The following CAMK1D variants were observed in gnomAD, a reference collection of about 807,000 sequenced individuals.
CAMK1D encodes calcium/calmodulin dependent protein kinase ID.
A neutral mutation model predicts 47.7 loss-of-function variants in CAMK1D; 9 were observed. The observed-to-expected ratio is 0.19, with a 90% CI of 0.11 to 0.33. The LOEUF (loss-of-function observed/expected upper bound fraction) is 0.33. Among genes scored for constraint, CAMK1D ranks in the 10% least tolerant of loss-of-function variants. CAMK1D has a pLI of 1.00. For missense variants in CAMK1D, 291 were observed against 488.7 expected, an observed-to-expected ratio of 0.60 and a Z score of 3.81; for synonymous variants, 184 against 184.9, an observed-to-expected ratio of 0.99 and a Z score of 0.04.
At chr10:12,636,818 C>CT (rs1394953202) in intron 2 of CAMK1D, among the ~76,000 whole-genome samples, 2 of 152,098 alleles carry the variant, frequency 1.3e-5, no homozygotes, top group Non-Finnish European at 2.9e-5. Flanking sequence ...CTGTCAGTAA[C>CT]TGTTTTCAGC....
chr10:12,636,476 TGCCACCACACCAG>T (rs1288731188), intron 2 of CAMK1D, among the ~76,000 whole-genome samples: 1 of 152,112 alleles, frequency 6.6e-6, no homozygotes, highest in Non-Finnish European at 1.5e-5. Flanking sequence ...TACAGGTGTG[TGCCACCACACCAG>T]GCTATTTTTT....
At chr10:12,729,946 T>A (rs1396084342) in intron 3 of CAMK1D, among the ~76,000 whole-genome samples, 1 of 151,584 alleles carries the variant, frequency 6.6e-6, no homozygotes, top group African/African-American at 2.4e-5. Context: ...ATAGAGCGTT[T>A]TAGGCTCCCC....
intron 1 of CAMK1D, among the ~76,000 whole-genome samples, chr10:12,397,275 T>G (rs1404194150): frequency 6.6e-6 from 1 of 152,178 alleles, no homozygotes; most frequent in African/African-American, 2.4e-5. Flanking sequence ...GCAGGTGTTC[T>G]GTTCTTTCAA....
chr10:12,604,840 G>A (rs1838402656), intron 2 of CAMK1D, among the ~76,000 whole-genome samples: 1 of 151,874 alleles, frequency 6.6e-6, no homozygotes. Context: ...GGAGACTAGT[G>A]TGCCATGGAA....
chr10:12,506,246 C>T (rs1268243083), intron 1 of CAMK1D, among the ~76,000 whole-genome samples: 2 of 152,068 alleles, frequency 1.3e-5, no homozygotes, highest in African/African-American at 2.4e-5. Flanking sequence ...TGGCGAAACC[C>T]CCGTCTCTAC....
chr10:12,744,304 A>T (rs989188975), intron 3 of CAMK1D, among the ~76,000 whole-genome samples: 4 of 150,964 alleles, frequency 2.6e-5, no homozygotes, highest in African/African-American at 9.9e-5. Context: ...TGATTTTTGT[A>T]TGAATGTGTG....
In CAMK1D at chr10:12,400,633, G is replaced by A. The variant is rs947084883; in HGVS notation, c.92+50723G>A. Among the ~76,000 whole-genome samples the A allele has an allele frequency of 3.3e-5, 5 of 152,174 alleles. No homozygotes were observed. The East Asian group carries it at 9.7e-4, about 29-fold the overall frequency. On this transcript the variant is annotated intron_variant, in intron 1 of 10. Coordinates refer to ENST00000619168, the MANE Select transcript of CAMK1D (RefSeq NM_153498.4). ...TAAAATGTAATTGTCTTGATGTTGA[G>A]AACTTTATCTTCTGAGGGACTGAGT...
intron 1 of CAMK1D, among the ~76,000 whole-genome samples, chr10:12,448,011 C>T (rs34191611): frequency 0.05 from 7,538 of 151,964 alleles, 285 homozygotes; most frequent in East Asian, 0.2. Flanking sequence ...GCCACTACAC[C>T]TGGCTAATTT....
chr10:12,530,390 G>C (rs1419039011), intron 1 of CAMK1D, among the ~76,000 whole-genome samples: 1 of 152,116 alleles, frequency 6.6e-6, no homozygotes, highest in Non-Finnish European at 1.5e-5. Context: ...TTCCTTTCTG[G>C]GCCTCAGTTT....
chr10:12,640,442 G>A (rs900827029), intron 2 of CAMK1D, among the ~76,000 whole-genome samples: 2 of 152,066 alleles, frequency 1.3e-5, no homozygotes, highest in South Asian at 2.1e-4. Flanking sequence ...AAGCTAGCAC[G>A]GTGCTTTCAA....
At chr10:12,725,945 C>T (rs1456473545) in intron 3 of CAMK1D, among the ~76,000 whole-genome samples, 2 of 151,856 alleles carry the variant, frequency 1.3e-5, no homozygotes, top group South Asian at 2.1e-4. Context: ...TTAGTATAGA[C>T]GGGGCTTCCT....
intron 1 of CAMK1D, among the ~76,000 whole-genome samples, chr10:12,426,038 C>A (rs772270806): frequency 6.6e-6 from 1 of 152,168 alleles, no homozygotes; most frequent in East Asian, 1.9e-4. Flanking sequence ...TTTAGCTGAT[C>A]TTGGTATTAT....
intron 6 of CAMK1D, among the ~76,000 whole-genome samples, chr10:12,798,171 T>C (rs756869121): frequency 2.3e-4 from 35 of 152,230 alleles, no homozygotes; most frequent in Admixed American, 3.9e-4. Context: ...TGGAGAAACA[T>C]TTTACTTCCT....
intron 1 of CAMK1D, among the ~76,000 whole-genome samples, chr10:12,400,854 C>T (rs1229066527): frequency 2.0e-5 from 3 of 150,320 alleles, no homozygotes; most frequent in Non-Finnish European, 4.4e-5. Flanking sequence ...CAGTGGCTCG[C>T]ACCTGTAAAC....
chr10:12,419,427 G>GA (rs372435663), intron 1 of CAMK1D, among the ~76,000 whole-genome samples: 8 of 152,074 alleles, frequency 5.3e-5, no homozygotes, highest in African/African-American at 1.9e-4. Context: ...AAGTTACTAT[G>GA]AAAAATGGGG....
intron 5 of CAMK1D, among the ~76,000 whole-genome samples, chr10:12,778,097 T>C (rs1432452907): frequency 6.6e-6 from 1 of 152,248 alleles, no homozygotes; most frequent in African/African-American, 2.4e-5. Context: ...CAGGGCAATC[T>C]ATAGGTTTAT....
chr10:12,834,455 ACGCTCAGCATG>A lies in CAMK1D; in HGVS notation c.*5571_*5581del, dbSNP rs1833472207. 1 of 151,710 alleles carries A rather than the reference ACGCTCAGCATG, an allele frequency of 6.6e-6. No individual in the cohort carries two copies. Among genetic ancestry groups the A allele is most frequent in the Non-Finnish European group, 1.5e-5 (1 of 68,018 alleles). The allele number at this position is 151,710 out of a possible 1,614,324, so 9.4% of individuals were successfully genotyped here. On this transcript the variant is annotated 3_prime_UTR_variant, in exon 11 of 11. Transcript: ENST00000619168. The stretch of plus-strand genomic sequence containing the variant: ...AAAAGGCTGTGCATTTGGAAGCCAA[ACGCTCAGCATG>A]CGGCTGCCGAGTCTGGTTTTGTGGA...
chr10:12,455,183 G>T, intron 1 of CAMK1D, among the ~76,000 whole-genome samples: 1 of 152,188 alleles, frequency 6.6e-6, no homozygotes, highest in African/African-American at 2.4e-5. Flanking sequence ...TAGGAATCTC[G>T]CATAAGGATA....
At chr10:12,679,273 G>A (rs1840912374) in intron 3 of CAMK1D, among the ~76,000 whole-genome samples, 1 of 152,044 alleles carries the variant, frequency 6.6e-6, no homozygotes, top group Non-Finnish European at 1.5e-5. Flanking sequence ...AGAAGTCATA[G>A]AAAGTACATT....
Sources: allele counts gnomAD v4.1 joint callset (sites outside exome capture counted in the v4.1 genomes callset), GRCh38; gene constraint gnomAD v4.1.1; transcripts MANE v1.5; gene names NCBI Gene and HGNC (gene_info 2026-07-23, HGNC 2026-07-21).